ACTR3C: variants seen among roughly 807,000 people sequenced by gnomAD.
The protein encoded by ACTR3C is actin related protein 3C.
ACTR3C carries 18 observed loss-of-function variants against 26.3 expected under a neutral mutation model. The ratio of observed to expected loss-of-function variants is 0.68; its 90% CI spans 0.47 to 1.01. ACTR3C has a LOEUF of 1.01. Among genes scored for constraint, ACTR3C ranks in the 50% least tolerant of loss-of-function variants. The probability of loss-of-function intolerance (pLI) is 0.00; values close to 1 mark genes in which losing one functional copy is unlikely to be tolerated. For synonymous variants in ACTR3C, 55 were observed against 94.5 expected (o/e 0.58, Z 2.42); for missense variants, 184 against 250.7 (o/e 0.73, Z 1.80).
the ACTR3C span, among the ~76,000 whole-genome samples, chr7:149,905,670 G>T: frequency 6.7e-6 from 1 of 149,708 alleles, no homozygotes; most frequent in Admixed American, 6.7e-5. Flanking sequence ...AATGGGCAAA[G>T]ATATGAACAG....
At chr7:150,267,202 A>C (rs766202190) in intron 6 of ACTR3C, among the ~76,000 whole-genome samples, 2 of 152,252 alleles carry the variant, frequency 1.3e-5, no homozygotes, top group Non-Finnish European at 2.9e-5. Context: ...AGGAAGCCGG[A>C]AACAGAGAAC....
chr7:150,028,591 G>A, the ACTR3C span, among the ~76,000 whole-genome samples: 1 of 152,294 alleles, frequency 6.6e-6, no homozygotes, highest in Non-Finnish European at 1.5e-5. Flanking sequence ...ACCTGTTTGT[G>A]GGCTTAGCGG....
At chr7:150,245,184 T>C (rs998717841), downstream of ACTR3C, 7 of 152,246 alleles carry the variant, frequency 4.6e-5, no homozygotes, top group African/African-American at 1.7e-4. Context: ...CTCTTACTTA[T>C]AAAAGGAATT....
chr7:149,929,718 A>G, the ACTR3C span, among the ~76,000 whole-genome samples: 1 of 151,850 alleles, frequency 6.6e-6, no homozygotes, highest in South Asian at 2.1e-4. Flanking sequence ...TTTAGTAGAG[A>G]CGGGGTTTCA....
chr7:150,138,798 C>T, the ACTR3C span, among the ~76,000 whole-genome samples: 1 of 152,420 alleles, frequency 6.6e-6, no homozygotes, highest in African/African-American at 2.4e-5. Context: ...ACAGCCGCTC[C>T]CCATCGCTCG....
intron 6 of ACTR3C, among the ~76,000 whole-genome samples, chr7:150,268,397 TA>T (rs1265487118): frequency 7.1e-6 from 1 of 140,220 alleles, no homozygotes; most frequent in African/African-American, 3.0e-5. Context: ...AACCCTTTAC[TA>T]TTTAAGAAGG....
the ACTR3C span, among the ~76,000 whole-genome samples, chr7:150,040,959 C>A: frequency 6.7e-6 from 1 of 150,276 alleles, no homozygotes; most frequent in Non-Finnish European, 1.5e-5. Flanking sequence ...TGCCAAAGCC[C>A]TCAAATAGGG....
chr7:149,956,088 G>C, the ACTR3C span, among the ~76,000 whole-genome samples: 1 of 152,154 alleles, frequency 6.6e-6, no homozygotes, highest in African/African-American at 2.4e-5. Flanking sequence ...AAAAGGTTTT[G>C]AGGCAATTCG....
At chr7:150,039,390 CCGGGGGGG>C in the ACTR3C span, among the ~76,000 whole-genome samples, 2 of 68,064 alleles carry the variant, frequency 2.9e-5, no homozygotes, top group East Asian at 5.0e-4. Context: ...TCCTAAGAAC[CCGGGGGGG>C]AAGAGGGACT....
chr7:150,091,914 G>A, the ACTR3C span, among the ~76,000 whole-genome samples: 2 of 141,696 alleles, frequency 1.4e-5, no homozygotes, highest in Non-Finnish European at 1.5e-5. Context: ...CGTGAACCCG[G>A]GAGGCGGAGC....
the ACTR3C span, among the ~76,000 whole-genome samples, chr7:150,071,284 C>T: frequency 2.0e-5 from 3 of 151,338 alleles, no homozygotes; most frequent in South Asian, 6.3e-4. Flanking sequence ...CCACCGCGCC[C>T]AGCTAATTTT....
downstream of ACTR3C, among the ~76,000 whole-genome samples, chr7:150,239,534 C>CTATA (rs1176995983): frequency 5.3e-3 from 630 of 118,152 alleles, 4 homozygotes; most frequent in Middle Eastern, 8.1e-3. Flanking sequence ...CTCTCTCTCT[C>CTATA]TCTCTCTATA....
chr7:150,091,045 T>C, the ACTR3C span, among the ~76,000 whole-genome samples: 1,104 of 151,464 alleles, frequency 7.3e-3, 8 homozygotes, highest in Non-Finnish European at 0.011. Context: ...AATTACTGAA[T>C]GTGAGCCATG....
the ACTR3C span, among the ~76,000 whole-genome samples, chr7:150,039,173 T>G: frequency 2.0e-5 from 3 of 147,772 alleles, no homozygotes; most frequent in South Asian, 2.1e-4. Flanking sequence ...GGTCTGGCTC[T>G]CAGTCCCCGC....
chr7:150,060,375 CA>C, the ACTR3C span, among the ~76,000 whole-genome samples: 1 of 150,602 alleles, frequency 6.6e-6, no homozygotes, highest in South Asian at 2.1e-4. Context: ...TAAAAAGTGA[CA>C]AAAAAACACT....
the ACTR3C span, among the ~76,000 whole-genome samples, chr7:150,039,391 C>CG: frequency 2.1e-4 from 9 of 42,458 alleles, no homozygotes; most frequent in Admixed American, 4.8e-4. Context: ...CCTAAGAACC[C>CG]GGGGGGGAAG....
chr7:150,048,115 C>A, the ACTR3C span, among the ~76,000 whole-genome samples: 1 of 152,078 alleles, frequency 6.6e-6, no homozygotes, highest in Non-Finnish European at 1.5e-5. Context: ...TTCTCTCTTT[C>A]CTGTTTTTAT....
chr7:150,031,197 C>G, the ACTR3C span, among the ~76,000 whole-genome samples: 7 of 150,692 alleles, frequency 4.6e-5, no homozygotes, highest in South Asian at 1.3e-3. Flanking sequence ...GCAGAGGTTA[C>G]AGTGAGCTGA....
chr7:150,198,657 C>G, the ACTR3C span, among the ~76,000 whole-genome samples: 1 of 149,180 alleles, frequency 6.7e-6, no homozygotes, highest in Non-Finnish European at 1.5e-5. Context: ...GCAGCTGCCC[C>G]GTCTGAGAAG....
Sources: allele counts gnomAD v4.1 joint callset (sites outside exome capture counted in the v4.1 genomes callset), GRCh38; gene constraint gnomAD v4.1.1; transcripts MANE v1.5; gene names NCBI Gene and HGNC (gene_info 2026-07-23, HGNC 2026-07-21).